Variants in KCND2 observed in about 807,000 individuals in gnomAD.
The protein encoded by KCND2 is potassium voltage-gated channel subfamily D member 2, also known as A-type voltage-gated potassium channel KCND2.
In KCND2, 16 loss-of-function variants were observed where a neutral mutation model predicts 54.4. The ratio of observed to expected loss-of-function variants is 0.29; its 90% CI spans 0.20 to 0.45. The LOEUF is 0.45. Among genes scored for constraint, KCND2 ranks in the 20% least tolerant of loss-of-function variants. KCND2 has a pLI of 1.00. For missense variants in KCND2, 486 were observed against 824.2 expected, an observed-to-expected ratio of 0.59 and a Z score of 5.02; for synonymous variants, 317 against 310.7, an observed-to-expected ratio of 1.02 and a Z score of -0.21.
intron 1 of KCND2, among the ~76,000 whole-genome samples, chr7:120,305,525 CCATT>C (rs1254887224): frequency 6.6e-6 from 1 of 152,036 alleles, no homozygotes; most frequent in Non-Finnish European, 1.5e-5. Flanking sequence ...CTTTTGCTTC[CCATT>C]CAGTTTCCCT....
intron 1 of KCND2, among the ~76,000 whole-genome samples, chr7:120,448,429 T>C (rs534813894): frequency 2.0e-5 from 3 of 152,266 alleles, no homozygotes; most frequent in African/African-American, 4.8e-5. Context: ...CAGTCTATCA[T>C]TGATGGACAT....
chr7:120,296,494 C>A (rs1352557914), intron 1 of KCND2, among the ~76,000 whole-genome samples: 14 of 152,110 alleles, frequency 9.2e-5, no homozygotes, highest in Admixed American at 2.6e-4. Flanking sequence ...CATTATATTA[C>A]ATTTTTATAA....
At chr7:120,353,158 T>TA (rs1800442623) in intron 1 of KCND2, among the ~76,000 whole-genome samples, 5 of 147,736 alleles carry the variant, frequency 3.4e-5, no homozygotes, top group African/African-American at 1.3e-4. Context: ...TTTTTTTTTT[T>TA]AGGCAAACTA....
At chr7:120,533,725 C>T (rs973128451) in intron 1 of KCND2, among the ~76,000 whole-genome samples, 2 of 152,060 alleles carry the variant, frequency 1.3e-5, no homozygotes, top group Non-Finnish European at 1.5e-5. Context: ...TGATGCCCTC[C>T]GTCTTGACAC....
chr7:120,451,268 G>A (rs933641365), intron 1 of KCND2, among the ~76,000 whole-genome samples: 11 of 152,004 alleles, frequency 7.2e-5, no homozygotes, highest in African/African-American at 1.9e-4. Context: ...TTACCCTAAC[G>A]TCCAGTAAAT....
intron 1 of KCND2, among the ~76,000 whole-genome samples, chr7:120,642,312 G>A (rs1392945822): frequency 1.3e-5 from 2 of 151,472 alleles, no homozygotes; most frequent in Non-Finnish European, 2.9e-5. Flanking sequence ...CACTTTGGGA[G>A]GCCAAGGTGG....
chr7:120,351,371 C>T (rs1460738808), intron 1 of KCND2, among the ~76,000 whole-genome samples: 25 of 8,662 alleles, frequency 2.9e-3, no homozygotes, highest in African/African-American at 7.2e-3. Flanking sequence ...AGCATACACA[C>T]ACACACACAC....
chr7:120,639,425 C>T (rs978591136), intron 1 of KCND2, among the ~76,000 whole-genome samples: 1 of 152,120 alleles, frequency 6.6e-6, no homozygotes, highest in African/African-American at 2.4e-5. Context: ...ATGAGGTTCA[C>T]AACCATGGGC....
intron 1 of KCND2, among the ~76,000 whole-genome samples, chr7:120,292,847 C>T (rs1400532619): frequency 1.3e-5 from 2 of 151,752 alleles, no homozygotes; most frequent in African/African-American, 4.8e-5. Context: ...TTCCCTAAGT[C>T]ATTCAAACTT....
chr7:120,682,798 A>T (rs1792156057), intron 1 of KCND2, among the ~76,000 whole-genome samples: 1 of 152,198 alleles, frequency 6.6e-6, no homozygotes, highest in South Asian at 2.1e-4. Context: ...TCTTAACAAG[A>T]ACTCTGAAGT....
intron 1 of KCND2, among the ~76,000 whole-genome samples, chr7:120,476,446 C>T (rs369794558): frequency 6.6e-6 from 1 of 152,190 alleles, no homozygotes; most frequent in Non-Finnish European, 1.5e-5. Context: ...CTTTCAAATA[C>T]ATGTCAATTA....
At chr7:120,494,428 G>A (rs1371124022) in intron 1 of KCND2, among the ~76,000 whole-genome samples, 1 of 152,036 alleles carries the variant, frequency 6.6e-6, no homozygotes, top group East Asian at 1.9e-4. Context: ...ATTACAGAAG[G>A]GTTGCAGTTC....
chr7:120,454,889 A>G (rs1485788077), intron 1 of KCND2, among the ~76,000 whole-genome samples: 2 of 152,204 alleles, frequency 1.3e-5, no homozygotes, highest in East Asian at 1.9e-4. Flanking sequence ...TAAAGCAACA[A>G]TGTCCAAACT....
In KCND2 at chr7:120,701,240, T is replaced by TAAAAAAAAAAAA. The variant is rs34803439; in HGVS notation, c.1116-31638_1116-31627dup. On this transcript the variant is annotated intron_variant, in intron 1 of 5. Transcript: ENST00000331113. ...TAGTTGAATGGCTGTAATGCCTAGCTAAAAAAAAAAAAAAAAAAAAAAAAA... is the reference window on the plus strand; with the variant it reads ...TAGTTGAATGGCTGTAATGCCTAGCTAAAAAAAAAAAAAAAAAAAAAAAAAAAAAAAAAAAAA... Among the ~76,000 whole-genome samples, 37 of 55,138 alleles carry TAAAAAAAAAAAA rather than the reference T, an allele frequency of 6.7e-4. 4 individuals are homozygous for TAAAAAAAAAAAA. The highest frequency in any genetic ancestry group is 1.2e-3 in the African/African-American group (22 of 17,820). The allele number at this position is 55,138 out of a possible 152,430, so 36.2% of individuals were successfully genotyped here.
intron 1 of KCND2, among the ~76,000 whole-genome samples, chr7:120,373,057 C>T (rs962340569): frequency 5.3e-5 from 8 of 151,830 alleles, no homozygotes. Flanking sequence ...GTGACTTGTG[C>T]CTGAGTCCTC....
intron 1 of KCND2, among the ~76,000 whole-genome samples, chr7:120,280,467 G>T (rs1412199847): frequency 6.6e-6 from 1 of 152,030 alleles, no homozygotes; most frequent in Non-Finnish European, 1.5e-5. Flanking sequence ...TAAATTTTCA[G>T]TGGGTCTGTT....
intron 1 of KCND2, among the ~76,000 whole-genome samples, chr7:120,616,656 A>G (rs988225741): frequency 5.3e-5 from 8 of 152,212 alleles, no homozygotes; most frequent in South Asian, 2.1e-4. Context: ...AGTATACAAT[A>G]TAGAATATAC....
intron 1 of KCND2, among the ~76,000 whole-genome samples, chr7:120,404,368 C>A (rs1414147687): frequency 6.6e-6 from 1 of 152,150 alleles, no homozygotes; most frequent in Non-Finnish European, 1.5e-5. Flanking sequence ...TTGAATACAG[C>A]ATATTCTGAA....
intron 1 of KCND2, among the ~76,000 whole-genome samples, chr7:120,494,177 G>T (rs1348389751): frequency 6.6e-6 from 1 of 152,102 alleles, no homozygotes; most frequent in Non-Finnish European, 1.5e-5. Flanking sequence ...TCTTCTGGTG[G>T]GGAAGGTGGA....
Sources: allele counts gnomAD v4.1 joint callset (sites outside exome capture counted in the v4.1 genomes callset), GRCh38; gene constraint gnomAD v4.1.1; transcripts MANE v1.5; gene names NCBI Gene and HGNC (gene_info 2026-07-23, HGNC 2026-07-21).